Variants in WDR7 observed in about 807,000 individuals in gnomAD.
WDR7 encodes the protein WD repeat-containing protein 7.
In WDR7, 46 loss-of-function variants were observed where a neutral mutation model predicts 169.4. The ratio of observed to expected loss-of-function variants is 0.27; its 90% confidence interval spans 0.21 to 0.35. The LOEUF is 0.35. Ranked by LOEUF, WDR7 falls within the 10% of genes least tolerant of loss-of-function variation. WDR7 has a pLI of 1.00. For missense variants in WDR7, 1,534 were observed against 1,859.3 expected (o/e 0.83, Z 3.22); for synonymous variants, 612 against 666.8 (o/e 0.92, Z 1.27).
At chr18:56,660,455 C>A (rs892158765) in intron 1 of WDR7, among the ~76,000 whole-genome samples, 1 of 151,962 alleles carries the variant, frequency 6.6e-6, no homozygotes, top group African/African-American at 2.4e-5. Flanking sequence ...AGATGCTCAA[C>A]CTGTAAGTAT....
At chr18:57,014,519 G>A (rs1024202549) in intron 26 of WDR7, among the ~76,000 whole-genome samples, 24 of 148,644 alleles carry the variant, frequency 1.6e-4, no homozygotes, top group South Asian at 2.2e-4. Flanking sequence ...TTCGCCAGGC[G>A]GTTGGTGGGT....
At chr18:56,709,416 G>A (rs1210877418) in intron 12 of WDR7, among the ~76,000 whole-genome samples, 3 of 152,032 alleles carry the variant, frequency 2.0e-5, no homozygotes, top group African/African-American at 7.2e-5. Context: ...AGAATCTATG[G>A]TATATAATTA....
At chr18:57,020,938 C>T in intron 27 of WDR7, 89 bp downstream of exon 27, 1 of 1,162,364 alleles carries the variant, frequency 8.6e-7, no homozygotes, top group Non-Finnish European at 1.3e-6. Context: ...CCTGCCGGCC[C>T]TCCTTCCTGT....
In WDR7 at chr18:56,672,513, A is replaced by G. The variant is rs2025157962; in HGVS notation, c.-3A>G. On this transcript the variant is annotated 5_prime_UTR_variant, in exon 2 of 28. Transcript: ENST00000254442. ...CATTTTCAGGTTTGAAAACACAAAC[A>G]CAATGGCAGGAAACAGCCTTGTTCT... 6.5e-7 allele frequency: 1 copy of G among 1,544,052 alleles called. No individual in the cohort carries two copies. The highest frequency in any genetic ancestry group is 8.7e-7 in the Non-Finnish European group (1 of 1,146,440).
At chr18:56,921,828 C>A (rs189182606) in intron 21 of WDR7, among the ~76,000 whole-genome samples, 2 of 152,128 alleles carry the variant, frequency 1.3e-5, no homozygotes, top group African/African-American at 4.8e-5. Flanking sequence ...TTGTCCAGAG[C>A]GGTGAGGAAG....
chr18:56,841,866 G>A (rs1433914601), intron 20 of WDR7, among the ~76,000 whole-genome samples: 1 of 152,114 alleles, frequency 6.6e-6, no homozygotes, highest in East Asian at 1.9e-4. Context: ...CTGTATGTGT[G>A]CATGCAGAGA....
At chr18:56,830,656 TCTGGCAGA>T (rs2045292911) in intron 20 of WDR7, among the ~76,000 whole-genome samples, 1 of 152,244 alleles carries the variant, frequency 6.6e-6, no homozygotes, top group South Asian at 2.1e-4. Context: ...GTGTGGAAGT[TCTGGCAGA>T]TGCCCTTAAA....
chr18:56,845,064 T>C (rs1442476001), intron 20 of WDR7, among the ~76,000 whole-genome samples: 1 of 152,178 alleles, frequency 6.6e-6, no homozygotes, highest in East Asian at 1.9e-4. Context: ...AAGTATCCAC[T>C]GGGGTACTTG....
At position 56,694,739 on chromosome 18, in the gene WDR7, G is replaced by A. The variant is rs749181488; in HGVS notation, c.1087G>A (p.Asp363Asn). 2.4e-5 allele frequency: 39 copies of A among 1,610,448 alleles called. No homozygotes were observed. Among genetic ancestry groups the A allele is most frequent in the Non-Finnish European group, 3.3e-5 (39 of 1,178,702 alleles). Residue 363 changes from aspartate (D) to asparagine (N), a missense_variant, in exon 10 of 28, where the codon GAT becomes AAT. Physicochemically the swap from Asp to Asn is conservative, Grantham distance 23. Transcript: ENST00000254442. ...TATTTGGAACATATCAGACACAGCTGATAAACAGGGAAGTGAAGAAGGTAA... is the reference window on the plus strand; with the variant it reads ...TATTTGGAACATATCAGACACAGCTAATAAACAGGGAAGTGAAGAAGGTAA... ...LNIWNISDTA[D>N]KQGSEEGLAM...
rs142345674 is a variant in WDR7 at position 56,892,748 on chromosome 18, G to C, written c.3526+12583G>C. ...TCATTTGAAAAGTCTGTTAATGGTC[G>C]TTTCTTGACATTTAATATGCAAAAG... On this transcript the variant is annotated intron_variant, in intron 21 of 27. Coordinates refer to ENST00000254442, the MANE Select transcript of WDR7 (RefSeq NM_015285.3). 2.4e-3 allele frequency among the ~76,000 whole-genome samples: 361 copies of C among 152,140 alleles called. 2 individuals carry two copies. Among genetic ancestry groups the C allele is most frequent in the African/African-American group, 8.2e-3 (339 of 41,534 alleles).
chr18:57,024,753 G>A (rs2048339082), intron 27 of WDR7, among the ~76,000 whole-genome samples: 1 of 141,764 alleles, frequency 7.1e-6, no homozygotes, highest in Admixed American at 6.8e-5. Context: ...CAGGAATAGG[G>A]ATATGTGAGC....
intron 12 of WDR7, among the ~76,000 whole-genome samples, chr18:56,702,826 A>G (rs894248881): frequency 6.6e-6 from 1 of 152,064 alleles, no homozygotes; most frequent in African/African-American, 2.4e-5. Flanking sequence ...GTCATGTTTT[A>G]TTTACTTTTA....
In WDR7 at chr18:56,939,850, G is replaced by A. The variant is rs1438349457; in HGVS notation, c.4064+457G>A. ...TTAAGTATAGGTGTTTTCCTTATGA[G>A]AAAGCAGGAAAAGAAGCCAAGAAAA... On this transcript the variant is annotated intron_variant, in intron 25 of 27. Transcript: ENST00000254442. Among the ~76,000 whole-genome samples, 3 of 151,786 alleles carry A rather than the reference G, an allele frequency of 2.0e-5. No individual in the cohort carries two copies. The East Asian group carries it at 5.8e-4, about 29-fold the overall frequency.
intron 12 of WDR7, chr18:56,699,738 T>C: frequency 1.1e-5 from 9 of 793,192 alleles, no homozygotes; most frequent in Non-Finnish European, 1.4e-5. Context: ...ACGTACAAAG[T>C]TGTTAAGAAA....
intron 17 of WDR7, among the ~76,000 whole-genome samples, chr18:56,777,244 C>A (rs1054873028): frequency 2.0e-5 from 3 of 152,154 alleles, no homozygotes; most frequent in African/African-American, 7.2e-5. Context: ...GGCAGACACA[C>A]TTTGCTGCCT....
At chr18:56,972,502 T>A (rs1403099751) in intron 26 of WDR7, among the ~76,000 whole-genome samples, 1 of 152,200 alleles carries the variant, frequency 6.6e-6, no homozygotes, top group Non-Finnish European at 1.5e-5. Context: ...TTCTTCCTGC[T>A]CTTTTCAGCA....
At chr18:56,927,157 G>T (rs1456842194) in intron 22 of WDR7, among the ~76,000 whole-genome samples, 2 of 152,184 alleles carry the variant, frequency 1.3e-5, no homozygotes, top group South Asian at 4.1e-4. Flanking sequence ...GAGGGCAGGG[G>T]TTTTGCGGAG....
intron 19 of WDR7, among the ~76,000 whole-genome samples, chr18:56,804,794 C>T (rs760337888): frequency 6.6e-6 from 1 of 152,152 alleles, no homozygotes; most frequent in Admixed American, 6.6e-5. Flanking sequence ...TTTTATTTTT[C>T]GCAAATGCAA....
intron 27 of WDR7, among the ~76,000 whole-genome samples, chr18:57,023,031 A>G (rs977408613): frequency 2.6e-5 from 4 of 152,216 alleles, no homozygotes; most frequent in African/African-American, 7.2e-5. Context: ...TGCCTCTAAA[A>G]CCAATGTCGG....
Sources: allele counts gnomAD v4.1 joint callset (sites outside exome capture counted in the v4.1 genomes callset), GRCh38; gene constraint gnomAD v4.1.1; transcripts MANE v1.5; gene names NCBI Gene and HGNC (gene_info 2026-07-23, HGNC 2026-07-21).